ACSS3: variants seen among roughly 807,000 people sequenced by gnomAD.
ACSS3 encodes acyl-CoA synthetase short chain family member 3.
In ACSS3, 64 loss-of-function variants were observed where a neutral mutation model predicts 84.2. That is an observed-to-expected ratio of 0.76 (90% CI 0.62 to 0.94). ACSS3 has a LOEUF of 0.94. Among genes scored for constraint, ACSS3 ranks in the 40% least tolerant of loss-of-function variants. ACSS3 has a pLI of 0.00. For synonymous variants in ACSS3, 317 were observed against 310.1 expected, an observed-to-expected ratio of 1.02 and a Z score of -0.23; for missense variants, 815 against 867.6, an observed-to-expected ratio of 0.94 and a Z score of 0.76.
At chr12:81,158,400 A>C (rs1163888588) in intron 7 of ACSS3, 1 of 153,416 alleles carries the variant, frequency 6.5e-6, no homozygotes, top group Non-Finnish European at 1.5e-5. Context: ...CAATTGGAGA[A>C]GATTGCAGAG....
intron 8 of ACSS3, among the ~76,000 whole-genome samples, chr12:81,195,572 T>G (rs1408923061): frequency 6.6e-6 from 1 of 152,062 alleles, no homozygotes; most frequent in Non-Finnish European, 1.5e-5. Flanking sequence ...TATGGATATG[T>G]AATTTGTCAA....
chr12:81,086,541 C>T (rs1229490062), intron 1 of ACSS3, among the ~76,000 whole-genome samples: 3 of 152,158 alleles, frequency 2.0e-5, no homozygotes, highest in African/African-American at 4.8e-5. Context: ...TGGCAAATGG[C>T]GCAATCAATG....
chr12:81,190,467 T>A (rs756576144), intron 8 of ACSS3, among the ~76,000 whole-genome samples: 1 of 152,118 alleles, frequency 6.6e-6, no homozygotes, highest in Non-Finnish European at 1.5e-5. Flanking sequence ...ACCTACTTTC[T>A]GAAGCTCTTC....
rs562610391 is a variant in ACSS3 at position 81,127,577 on chromosome 12, CT to C, written c.457-7235del. On this transcript the variant is annotated intron_variant, in intron 2 of 15. Transcript: ENST00000548058. The stretch of plus-strand genomic sequence containing the variant: ...CTCAAGAACAATTCATTTATCCATA[CT>C]TTTAGTAATCTGTTTCCTCAGATAT... 2.1e-3 allele frequency among the ~76,000 whole-genome samples: 313 copies of C among 152,230 alleles called. 1 individual carries two copies. Among genetic ancestry groups the C allele is most frequent in the Non-Finnish European group, 2.7e-3 (184 of 67,992 alleles).
intron 7 of ACSS3, among the ~76,000 whole-genome samples, chr12:81,159,781 G>A (rs772347172): frequency 6.6e-5 from 10 of 152,210 alleles, no homozygotes; most frequent in East Asian, 1.9e-4. Flanking sequence ...GTGTGTATGC[G>A]CATTCACATG....
chr12:81,091,205 A>T (rs1381492372), intron 1 of ACSS3, among the ~76,000 whole-genome samples: 1 of 152,006 alleles, frequency 6.6e-6, no homozygotes, highest in Non-Finnish European at 1.5e-5. Flanking sequence ...GATTCCAAGG[A>T]TCTCAGATTA....
At chr12:81,189,076 C>T (rs1029604477) in intron 8 of ACSS3, among the ~76,000 whole-genome samples, 2 of 152,090 alleles carry the variant, frequency 1.3e-5, no homozygotes, top group Admixed American at 6.6e-5. Context: ...TACCCTCTCC[C>T]CCTCCAACCA....
At position 81,255,025 on chromosome 12, in the gene ACSS3, C is replaced by A; in HGVS notation, c.*103C>A. On this transcript the variant is annotated 3_prime_UTR_variant, in exon 16 of 16. Coordinates refer to ENST00000548058, the MANE Select transcript of ACSS3 (RefSeq NM_024560.4). ...TAAATATTTCAGTAGAAATTACTTGCAAAATGAAATGTGAATTGTAAAACT... is the reference window on the plus strand; with the variant it reads ...TAAATATTTCAGTAGAAATTACTTGAAAAATGAAATGTGAATTGTAAAACT... 2 of 1,074,118 alleles carry A rather than the reference C, an allele frequency of 1.9e-6. No individual in the cohort carries two copies. The highest frequency in any genetic ancestry group is 2.6e-6 in the Non-Finnish European group (2 of 764,408). 66.5% of individuals were successfully genotyped at this position (1,074,118 alleles called of 1,614,324 possible).
intron 9 of ACSS3, among the ~76,000 whole-genome samples, chr12:81,216,697 G>T: frequency 6.6e-6 from 1 of 152,114 alleles, no homozygotes; most frequent in East Asian, 1.9e-4. Flanking sequence ...TTCTAATTAT[G>T]AATTCTTAAG....
At chr12:81,188,409 A>G (rs911994650) in intron 8 of ACSS3, among the ~76,000 whole-genome samples, 1 of 152,080 alleles carries the variant, frequency 6.6e-6, no homozygotes, top group African/African-American at 2.4e-5. Context: ...TCAGAATTTT[A>G]AAAGTTATAA....
chr12:81,137,272 A>G (rs1885853171), intron 3 of ACSS3, among the ~76,000 whole-genome samples: 1 of 151,836 alleles, frequency 6.6e-6, no homozygotes, highest in Admixed American at 6.6e-5. Flanking sequence ...ATGTAAAACA[A>G]TAAGGATTTA....
chr12:81,109,846 G>C, intron 2 of ACSS3, 142 bp downstream of exon 2: 1 of 686,240 alleles, frequency 1.5e-6, no homozygotes, highest in Non-Finnish European at 2.2e-6. Context: ...CATTGGAAAT[G>C]AATACAGATG....
intron 9 of ACSS3, 55 bp downstream of exon 9, chr12:81,199,499 C>T (rs2135896654): frequency 1.9e-6 from 3 of 1,557,458 alleles, no homozygotes; most frequent in Non-Finnish European, 2.6e-6. Context: ...CAAAAAGCTG[C>T]AAGGATTGGA....
At chr12:81,098,157 T>A (rs1264172478) in intron 1 of ACSS3, among the ~76,000 whole-genome samples, 125 of 137,100 alleles carry the variant, frequency 9.1e-4, no homozygotes, top group Middle Eastern at 4.1e-3. Context: ...AGAGAGTGTG[T>A]GTGTGTGTGT....
At chr12:81,157,792 G>A (rs968296938) in intron 7 of ACSS3, among the ~76,000 whole-genome samples, 5 of 152,000 alleles carry the variant, frequency 3.3e-5, no homozygotes, top group African/African-American at 1.2e-4. Flanking sequence ...GGGCAACAGA[G>A]CAAGACTCCC....
chr12:81,123,296 A>G (rs538513860), intron 2 of ACSS3, among the ~76,000 whole-genome samples: 34 of 152,316 alleles, frequency 2.2e-4, no homozygotes, highest in African/African-American at 7.7e-4. Flanking sequence ...ATACATGAGA[A>G]GATCCTACGG....
intron 11 of ACSS3, among the ~76,000 whole-genome samples, chr12:81,222,469 C>A (rs1453575663): frequency 6.6e-6 from 1 of 152,078 alleles, no homozygotes; most frequent in Non-Finnish European, 1.5e-5. Context: ...ACATTGCCAG[C>A]AGCCATTCCA....
chr12:81,204,339 TCCTTCCTTCCCTC>T (rs980330717), intron 9 of ACSS3, among the ~76,000 whole-genome samples: 1 of 149,600 alleles, frequency 6.7e-6, no homozygotes, highest in East Asian at 2.0e-4. Context: ...CTCCTCTTCT[TCCTTCCTTCCCTC>T]CCTTCCTCCC....
intron 9 of ACSS3, among the ~76,000 whole-genome samples, chr12:81,203,125 GGGGCCACTTATATAAGTTCT>G (rs1234895837): frequency 1.3e-5 from 2 of 152,120 alleles, no homozygotes; most frequent in African/African-American, 4.8e-5. Context: ...GAGAACTCAG[GGGGCCACTTATATAAGTTCT>G]GGACTCCAAA....
Sources: gnomAD v4.1 joint callset for allele counts (sites outside exome capture counted in the v4.1 genomes callset) on GRCh38, gnomAD v4.1.1 for gene constraint, MANE v1.5 for transcripts, NCBI Gene and HGNC (gene_info 2026-07-23, HGNC 2026-07-21) for gene names.